The following FNDC3A variants were observed in gnomAD, a reference collection of about 807,000 sequenced individuals.
FNDC3A encodes fibronectin type-III domain-containing protein 3A.
Under a neutral mutation model 148.9 loss-of-function variants are expected in FNDC3A, and 32 were observed. That is an observed-to-expected ratio of 0.21 (90% CI 0.16 to 0.29). The LOEUF (loss-of-function observed/expected upper bound fraction) is 0.29, where lower values mean the gene tolerates loss of function less well. Ranked by LOEUF, FNDC3A falls within the 10% of genes least tolerant of loss-of-function variation. FNDC3A has a pLI of 1.00. For synonymous variants in FNDC3A, 472 were observed against 473.6 expected (o/e 1.00, Z 0.04); for missense variants, 1,191 against 1,452.8 (o/e 0.82, Z 2.93).
At position 49,187,144 on chromosome 13, in the gene FNDC3A, A is replaced by G. The variant is rs980283130; in HGVS notation, c.1779A>G (p.Gly593=). ...ITWDPPKDNG[G]ATINKYVVEM... is the part of the protein sequence containing the mutation. Reference sequence around the variant, plus strand: ...TAGATCCACCAAAAGACAATGGCGGAGCAACCATCAATAAATATGTAGTGG... The same window carrying G: ...TAGATCCACCAAAAGACAATGGCGGGGCAACCATCAATAAATATGTAGTGG... Residue 593 remains glycine, a synonymous_variant, in exon 16 of 26, where the codon GGA becomes GGG. Coordinates refer to ENST00000492622, the MANE Select transcript of FNDC3A (RefSeq NM_001079673.2). 1 of 1,613,150 alleles carries G rather than the reference A, an allele frequency of 6.2e-7. No homozygotes were observed. The highest frequency in any genetic ancestry group is 1.3e-5 in the African/African-American group (1 of 74,958).
chr13:49,114,412 CCCG>C (rs1880789153), intron 3 of FNDC3A, among the ~76,000 whole-genome samples: 1 of 106,602 alleles, frequency 9.4e-6, no homozygotes, highest in African/African-American at 3.0e-5. Context: ...CTCCAACCTC[CCCG>C]CCCCCCACCA....
At chr13:48,997,890 G>A (rs1464020148) in intron 1 of FNDC3A, among the ~76,000 whole-genome samples, 1 of 151,072 alleles carries the variant, frequency 6.6e-6, no homozygotes, top group Non-Finnish European at 1.5e-5. Context: ...AAGTTTTGAG[G>A]TGTGTGCATT....
rs1296355590 is a variant in FNDC3A at position 49,198,207 on chromosome 13, A to C, written c.2716A>C (p.Thr906Pro). The C allele has an allele frequency of 1.9e-6, 3 of 1,614,138 alleles. No individual in the cohort carries two copies. The South Asian group carries it at 3.3e-5, about 18-fold the overall frequency. The change falls in exon 22 of 26, where the codon ACA (threonine) becomes CCA (proline). Residue 906 changes from threonine (T) to proline (P), a missense_variant. Physicochemically the swap from Thr to Pro is conservative, Grantham distance 38 (BLOSUM62 -1). This residue lies in a region of FNDC3A where 751 missense variants were observed against 944.0 expected (regional missense o/e 0.80). Coordinates refer to ENST00000492622, the MANE Select transcript of FNDC3A (RefSeq NM_001079673.2). ...AGACTTTGGAGATAAACAATCCCTA[A>C]CAGTGGGAAAGGTTACAAGCTATAT... Reference protein sequence around the residue: ...SIDFGDKQSLTVGKVTSYIIN... With the variant: ...SIDFGDKQSLPVGKVTSYIIN...
At chr13:49,098,797 G>A (rs1050824517) in intron 3 of FNDC3A, among the ~76,000 whole-genome samples, 1 of 151,982 alleles carries the variant, frequency 6.6e-6, no homozygotes, top group Non-Finnish European at 1.5e-5. Context: ...TCATACTTAG[G>A]CCCCTAATTT....
intron 3 of FNDC3A, among the ~76,000 whole-genome samples, chr13:49,091,829 G>T (rs187307228): frequency 1.3e-5 from 2 of 152,274 alleles, no homozygotes; most frequent in Non-Finnish European, 2.9e-5. Flanking sequence ...GCTCAAGCTC[G>T]ATCACTTCCA....
intron 2 of FNDC3A, among the ~76,000 whole-genome samples, chr13:49,022,595 G>A (rs1483126632): frequency 6.6e-6 from 1 of 152,042 alleles, no homozygotes; most frequent in African/African-American, 2.4e-5. Flanking sequence ...CTGAAATAAA[G>A]CTTATACTTT....
chr13:49,034,031 G>A (rs533478223), intron 2 of FNDC3A, among the ~76,000 whole-genome samples: 22 of 151,792 alleles, frequency 1.4e-4, no homozygotes, highest in Admixed American at 2.6e-4. Flanking sequence ...AGTTATTTTA[G>A]CTTATAACTT....
intron 2 of FNDC3A, among the ~76,000 whole-genome samples, chr13:49,018,577 C>T (rs1415839585): frequency 1.3e-5 from 2 of 152,296 alleles, no homozygotes; most frequent in Non-Finnish European, 2.9e-5. Context: ...ATAATTTGAT[C>T]GTCTGAAGCC....
chr13:49,156,490 C>T (rs888232317), intron 8 of FNDC3A, among the ~76,000 whole-genome samples: 12 of 150,654 alleles, frequency 8.0e-5, no homozygotes, highest in African/African-American at 2.4e-4. Context: ...CCAGTCTGTG[C>T]CTTTTAATTG....
At chr13:49,045,112 C>A (rs571566060) in intron 2 of FNDC3A, 41 of 186,302 alleles carry the variant, frequency 2.2e-4, no homozygotes, top group Non-Finnish European at 4.0e-4. Flanking sequence ...TTTCCCTTTC[C>A]TTTTTTCTTT....
chr13:49,162,551 A>G (rs1884208856), intron 8 of FNDC3A, among the ~76,000 whole-genome samples: 2 of 152,148 alleles, frequency 1.3e-5, no homozygotes, highest in African/African-American at 4.8e-5. Flanking sequence ...GACGGGTTCA[A>G]ACATCTTCCT....
intron 8 of FNDC3A, among the ~76,000 whole-genome samples, chr13:49,152,534 A>G (rs1883371052): frequency 6.6e-6 from 1 of 151,092 alleles, no homozygotes; most frequent in South Asian, 2.1e-4. Flanking sequence ...ATTATACTTT[A>G]AGTTTTAGGG....
intron 2 of FNDC3A, among the ~76,000 whole-genome samples, chr13:49,038,645 T>C (rs146739031): frequency 3.9e-5 from 6 of 152,326 alleles, no homozygotes; most frequent in African/African-American, 1.4e-4. Context: ...TTTGTAAATA[T>C]TGGGAACATG....
chr13:49,206,800 G>A (rs964737965), intron 25 of FNDC3A, among the ~76,000 whole-genome samples: 3 of 152,150 alleles, frequency 2.0e-5, no homozygotes, highest in Non-Finnish European at 4.4e-5. Flanking sequence ...CTTGAGGACC[G>A]ATTTTGCTTG....
intron 4 of FNDC3A, among the ~76,000 whole-genome samples, chr13:49,118,390 C>T (rs1308217010): frequency 6.6e-6 from 1 of 152,182 alleles, no homozygotes; most frequent in Non-Finnish European, 1.5e-5. Context: ...GGTGCCTATA[C>T]CACCAGGGCC....
chr13:49,178,515 C>G, intron 13 of FNDC3A, 53 bp from the exon 14 acceptor site: 1 of 1,068,574 alleles, frequency 9.4e-7, no homozygotes, highest in Non-Finnish European at 1.4e-6. Flanking sequence ...TCATTATTGC[C>G]CATATTTCTA....
intron 14 of FNDC3A, among the ~76,000 whole-genome samples, chr13:49,180,823 A>C (rs1418841072): frequency 2.9e-4 from 44 of 152,082 alleles, no homozygotes; most frequent in Admixed American, 2.7e-3. Flanking sequence ...TGAACCTGGG[A>C]GGCAAATGTT....
chr13:49,102,117 C>A (rs960994707), intron 3 of FNDC3A, among the ~76,000 whole-genome samples: 2 of 151,980 alleles, frequency 1.3e-5, no homozygotes, highest in African/African-American at 4.8e-5. Flanking sequence ...GGATTACAGG[C>A]ATGAAGCAAG....
At chr13:49,145,743 GT>G (rs1421705052) in intron 7 of FNDC3A, 34 bp from the exon 8 acceptor site, 2 of 1,586,800 alleles carry the variant, frequency 1.3e-6, no homozygotes, top group South Asian at 1.1e-5. Context: ...CATTACAGTT[GT>G]TTTAAAGAAC....
Sources: gnomAD v4.1 joint callset for allele counts (sites outside exome capture counted in the v4.1 genomes callset) on GRCh38, gnomAD v4.1.1 for gene constraint, gnomAD v4.1.1 regional missense constraint, MANE v1.5 for transcripts, NCBI Gene and HGNC (gene_info 2026-07-23, HGNC 2026-07-21) for gene names.